Variants in WDR41 observed in about 807,000 individuals in gnomAD.
WDR41 encodes the protein WD repeat-containing protein 41.
In WDR41, 63 loss-of-function variants were observed where a neutral mutation model predicts 69.3. The observed-to-expected ratio is 0.91, with a 90% CI of 0.74 to 1.12. The LOEUF is 1.12. WDR41 is among the 50% of genes most tolerant of loss of function. The pLI is 0.00. For missense variants in WDR41, 543 were observed against 534.5 expected, an observed-to-expected ratio of 1.02 and a Z score of -0.16; for synonymous variants, 185 against 192.1, an observed-to-expected ratio of 0.96 and a Z score of 0.31.
At chr5:77,547,120 C>T (rs937154248) in intron 1 of WDR41, among the ~76,000 whole-genome samples, 1 of 151,936 alleles carries the variant, frequency 6.6e-6, no homozygotes, top group Non-Finnish European at 1.5e-5. Context: ...AGGATCATAC[C>T]TCAATATAAT....
At chr5:77,447,349 C>T (rs928272652) in intron 8 of WDR41, among the ~76,000 whole-genome samples, 1 of 152,150 alleles carries the variant, frequency 6.6e-6, no homozygotes, top group African/African-American at 2.4e-5. Flanking sequence ...TTGTGGAAGA[C>T]AGTATGGCGA....
intron 1 of WDR41, among the ~76,000 whole-genome samples, chr5:77,504,193 G>T (rs1802069248): frequency 6.6e-6 from 1 of 151,810 alleles, no homozygotes; most frequent in African/African-American, 2.4e-5. Flanking sequence ...TGATAAAGGG[G>T]ATATCACCAC....
chr5:77,504,606 A>T, intron 1 of WDR41, among the ~76,000 whole-genome samples: 1 of 152,222 alleles, frequency 6.6e-6, no homozygotes, highest in South Asian at 2.1e-4. Flanking sequence ...CCTGACGAAC[A>T]TCGATGCAAA....
chr5:77,605,174 A>C (rs1744393168), intron 1 of WDR41, among the ~76,000 whole-genome samples: 1 of 152,182 alleles, frequency 6.6e-6, no homozygotes, highest in African/African-American at 2.4e-5. Flanking sequence ...CCTAAATAAA[A>C]TGATGAAGAT....
At chr5:77,608,804 C>T (rs1744479093) in intron 1 of WDR41, among the ~76,000 whole-genome samples, 1 of 152,190 alleles carries the variant, frequency 6.6e-6, no homozygotes, top group Admixed American at 6.5e-5. Flanking sequence ...ACAGTGGGCG[C>T]AGGACAGGGG....
chr5:77,587,074 T>C (rs962747416), intron 1 of WDR41, among the ~76,000 whole-genome samples: 1 of 33,586 alleles, frequency 3.0e-5, no homozygotes, highest in Non-Finnish European at 4.9e-5. Flanking sequence ...GATCAAGATA[T>C]TGAACATTTC....
chr5:77,456,359 T>C (rs988605153), intron 5 of WDR41, among the ~76,000 whole-genome samples: 4 of 152,218 alleles, frequency 2.6e-5, no homozygotes, highest in African/African-American at 9.7e-5. Flanking sequence ...GTAAATGGAA[T>C]TGTTTCTTAA....
intron 1 of WDR41, among the ~76,000 whole-genome samples, chr5:77,582,142 T>C (rs1412166910): frequency 6.6e-6 from 1 of 151,938 alleles, no homozygotes; most frequent in Non-Finnish European, 1.5e-5. Context: ...GAATCAGACA[T>C]GAAAGAGGGA....
intron 1 of WDR41, among the ~76,000 whole-genome samples, chr5:77,581,100 A>G (rs1328745780): frequency 6.6e-6 from 1 of 152,156 alleles, no homozygotes; most frequent in African/African-American, 2.4e-5. Context: ...AAAAAATATG[A>G]TCTACAGGAG....
At chr5:77,555,399 C>T (rs1407487148) in intron 1 of WDR41, among the ~76,000 whole-genome samples, 1 of 152,204 alleles carries the variant, frequency 6.6e-6, no homozygotes, top group African/African-American at 2.4e-5. Flanking sequence ...GCCTCAACTT[C>T]CTTGGCTCAA....
At chr5:77,595,622 A>T (rs1320128989) in intron 1 of WDR41, among the ~76,000 whole-genome samples, 1 of 152,220 alleles carries the variant, frequency 6.6e-6, no homozygotes, top group African/African-American at 2.4e-5. Context: ...AAGATAGGTA[A>T]GCCCAAATGT....
intron 1 of WDR41, among the ~76,000 whole-genome samples, chr5:77,565,993 T>C: frequency 6.6e-6 from 1 of 152,160 alleles, no homozygotes; most frequent in South Asian, 2.1e-4. Context: ...TTAATTCTCA[T>C]AACAACCCTA....
At chr5:77,453,743 G>C (rs1364458979) in intron 6 of WDR41, 74 bp downstream of exon 6, 4 of 1,235,894 alleles carry the variant, frequency 3.2e-6, no homozygotes, top group African/African-American at 1.5e-5. Flanking sequence ...TCTACTTATG[G>C]AAAGTCTCTC....
chr5:77,478,528 A>C (rs1801073174), intron 2 of WDR41, among the ~76,000 whole-genome samples: 1 of 152,194 alleles, frequency 6.6e-6, no homozygotes, highest in Non-Finnish European at 1.5e-5. Context: ...AATATACGCA[A>C]ATCAATAAAT....
chr5:77,513,642 A>G (rs1431328920), intron 1 of WDR41, among the ~76,000 whole-genome samples: 1 of 152,198 alleles, frequency 6.6e-6, no homozygotes, highest in Non-Finnish European at 1.5e-5. Flanking sequence ...CCAGCCCTTT[A>G]AAAGGGCTAG....
At chr5:77,446,699 G>A (rs1799397755) in intron 8 of WDR41, among the ~76,000 whole-genome samples, 1 of 152,144 alleles carries the variant, frequency 6.6e-6, no homozygotes, top group Non-Finnish European at 1.5e-5. Context: ...TCAGTAAATG[G>A]TGCTAAGAAA....
At chr5:77,586,158 G>T (rs1168527429) in intron 1 of WDR41, among the ~76,000 whole-genome samples, 1 of 151,984 alleles carries the variant, frequency 6.6e-6, no homozygotes, top group African/African-American at 2.4e-5. Context: ...GCAAAAAAAA[G>T]TTATTAAAAT....
intron 1 of WDR41, among the ~76,000 whole-genome samples, chr5:77,504,764 C>A (rs1202030995): frequency 3.3e-5 from 5 of 151,952 alleles, no homozygotes; most frequent in African/African-American, 4.8e-5. Flanking sequence ...ACAGAACCAA[C>A]AACAAAAACC....
At chr5:77,572,859 A>G (rs1315314071) in intron 1 of WDR41, among the ~76,000 whole-genome samples, 1 of 152,164 alleles carries the variant, frequency 6.6e-6, no homozygotes, top group Non-Finnish European at 1.5e-5. Context: ...TGTATCTTTC[A>G]TTAGATCAGT....
Sources: allele counts gnomAD v4.1 joint callset (sites outside exome capture counted in the v4.1 genomes callset), GRCh38; gene constraint gnomAD v4.1.1; transcripts MANE v1.5; gene names NCBI Gene and HGNC (gene_info 2026-07-23, HGNC 2026-07-21).